STAT5A: variants seen among roughly 807,000 people sequenced by gnomAD.
The protein encoded by STAT5A is epididymis secretory sperm binding protein.
STAT5A carries 26 observed loss-of-function variants against 100.2 expected under a neutral mutation model. The observed-to-expected ratio is 0.26, with a 90% CI of 0.19 to 0.36. STAT5A has a LOEUF of 0.36. STAT5A is among the 10% of genes least tolerant of loss of function. The pLI is 1.00. For synonymous variants in STAT5A, 330 were observed against 424.3 expected (o/e 0.78, Z 2.73); for missense variants, 634 against 1,027.5 (o/e 0.62, Z 5.24).
Position 42,295,760 on chromosome 17 carries a change from A to C in STAT5A, c.517A>C (p.Ile173Leu), listed in dbSNP as rs772217852. The part of the protein sequence containing the change: ...KKLQQTQEYF[I>L]IQYQESLRIQ... ...ACTGCAGCAGACTCAGGAGTACTTC[A>C]TCATCCAGTACCAGGAGAGCCTGAG... The change falls in exon 5 of 19, where the codon ATC (isoleucine) becomes CTC (leucine). Residue 173 changes from isoleucine (I) to leucine (L), a missense_variant. Ile to Leu is a conservative substitution (Grantham distance 5, BLOSUM62 2). Around this residue, in one of 5 missense-constraint regions of STAT5A, gnomAD observed 207 missense variants for 256.6 expected, o/e 0.81. Transcript: ENST00000590949. 4 of 1,614,070 alleles carry C rather than the reference A, an allele frequency of 2.5e-6. No homozygotes were observed. In the East Asian group the frequency reaches 8.9e-5, roughly 36 times the overall value.
At chr17:42,289,350 CG>C (rs1185424792) in intron 1 of STAT5A, 51 bp from the exon 2 acceptor site, 1 of 1,507,396 alleles carries the variant, frequency 6.6e-7, no homozygotes, top group Non-Finnish European at 8.8e-7. Flanking sequence ...GGGGCAGGCC[CG>C]GTTCCTTGGC....
chr17:42,306,114 G>T (rs1437907005), intron 12 of STAT5A, 127 bp from the exon 13 acceptor site: 7 of 1,510,004 alleles, frequency 4.6e-6, no homozygotes, highest in East Asian at 4.8e-5. Context: ...TCCTGCCCTT[G>T]CATTTGTGTC....
rs183844213 is a variant in STAT5A at position 42,291,255 on chromosome 17, C to T, written c.286-717C>T. Among the ~76,000 whole-genome samples the T allele has an allele frequency of 3.9e-4, 59 of 152,324 alleles. 1 individual carries two copies. The highest frequency in any genetic ancestry group is 4.1e-4 in the South Asian group (2 of 4,834). On this transcript the variant is annotated intron_variant, in intron 3 of 18. Transcript: ENST00000590949. The stretch of plus-strand genomic sequence containing the variant: ...AGGAAGCAGAGTTCAGGCTGTAATG[C>T]GAGCAATAGGCAGCAGCTGTAAATA...
chr17:42,309,330 GC>G, intron 17 of STAT5A, 46 bp from the exon 18 acceptor site: 1 of 1,605,052 alleles, frequency 6.2e-7, no homozygotes, highest in Non-Finnish European at 8.5e-7. Flanking sequence ...CAAGTCAGCT[GC>G]CCCGGCCTCC....
chr17:42,291,933 C>A, intron 3 of STAT5A, 39 bp from the exon 4 acceptor site: 1 of 1,606,788 alleles, frequency 6.2e-7, no homozygotes, highest in Non-Finnish European at 8.5e-7. Flanking sequence ...ATGGCTGGAG[C>A]AGAGGATGGC....
At chr17:42,309,609 G>A in intron 18 of STAT5A, 125 bp downstream of exon 18, 4 of 924,224 alleles carry the variant, frequency 4.3e-6, no homozygotes, top group Non-Finnish European at 6.5e-6. Context: ...GGAGGAGTGA[G>A]ATCAGCCAGG....
In STAT5A at chr17:42,311,773, T is replaced by C. The variant is rs2081085354; in HGVS notation, c.*1104T>C. 1 of 152,700 alleles carries C rather than the reference T, an allele frequency of 6.5e-6. No individual in the cohort carries two copies. The highest frequency in any genetic ancestry group is 1.5e-5 in the Non-Finnish European group (1 of 68,056). 9.5% of individuals were successfully genotyped at this position (152,700 alleles called of 1,614,324 possible). On this transcript the variant is annotated 3_prime_UTR_variant, in exon 19 of 19. Transcript: ENST00000590949. ...TCCCAACCCCACACGCTCCTCCCTC[T>C]GAGGCTGTAGGACTCGCAGTCAGGG...
At chr17:42,309,888 T>G (rs1598369045) in intron 18 of STAT5A, among the ~76,000 whole-genome samples, 1 of 152,010 alleles carries the variant, frequency 6.6e-6, no homozygotes, top group African/African-American at 2.4e-5. Context: ...GGGAACAAGG[T>G]AGATAATTAA....
In STAT5A at chr17:42,305,451, G is replaced by A. The variant is rs965089033; in HGVS notation, c.1381-159G>A. On this transcript the variant is annotated intron_variant, in intron 11 of 18. Transcript: ENST00000590949. ...CGGGAGGCAGAGGTTGTGGTGAGCC[G>A]AGATTGCACCATTGCACTCCAGCCT... Among the ~76,000 whole-genome samples, 8 of 151,826 alleles carry A rather than the reference G, an allele frequency of 5.3e-5. No homozygotes were observed. In the East Asian group the frequency reaches 1.5e-3, roughly 29 times the overall value.
intron 9 of STAT5A, among the ~76,000 whole-genome samples, chr17:42,303,672 C>T (rs9908237): frequency 0.56 from 84,332 of 151,368 alleles, 26,421 homozygotes; most frequent in African/African-American, 0.86. Flanking sequence ...ATTGCACCAT[C>T]GCACTCCAGC....
Position 42,308,595 on chromosome 17 carries a change from G to T in STAT5A, c.2062+262G>T. The T allele has an allele frequency of 1.8e-6, 1 of 551,226 alleles. No homozygotes were observed. 34.1% of individuals were successfully genotyped at this position (551,226 alleles called of 1,614,324 possible). A position where few individuals can be genotyped will look rare whatever the true frequency, so the allele number is the denominator to read the frequency against. On this transcript the variant is annotated intron_variant, in intron 16 of 18. Transcript: ENST00000590949. This position sits in a 1 kb window ranked among gnomAD's most constrained non-coding sequence, Gnocchi z 4.6. Reference sequence around the variant, plus strand: ...CTTCTGCACCCTCGGAGGAAGGGGTGGCAGCACTGTAGGGAGTGGCCGGGA... The same window carrying T: ...CTTCTGCACCCTCGGAGGAAGGGGTTGCAGCACTGTAGGGAGTGGCCGGGA...
chr17:42,293,590 G>GCTAT lies in STAT5A; in HGVS notation c.375+1531_375+1534dup, dbSNP rs572494904. Among the ~76,000 whole-genome samples, 523 of 152,338 alleles carry GCTAT rather than the reference G, an allele frequency of 3.4e-3. 3 individuals are homozygous for GCTAT. The highest frequency in any genetic ancestry group is 0.012 in the African/African-American group (496 of 41,574). The stretch of plus-strand genomic sequence containing the variant: ...GGTCTTACTGTGTGTCCGATGCTGG[G>GCTAT]CTATCATCAGAGAAACACATAAAGG... On this transcript the variant is annotated intron_variant, in intron 4 of 18. Coordinates refer to ENST00000590949, the MANE Select transcript of STAT5A (RefSeq NM_001288718.2).
Position 42,304,710 on chromosome 17 carries a change from C to T in STAT5A, c.1380+58C>T. 1 of 1,603,816 alleles carries T rather than the reference C, an allele frequency of 6.2e-7. No homozygotes were observed. The highest frequency in any genetic ancestry group is 1.1e-5 in the South Asian group (1 of 89,102). The stretch of plus-strand genomic sequence containing the variant: ...CCAGGTCACCCAAGAGGTGGAGGGG[C>T]CTGCCTCAGGACTCCTGGCAGCAAT... On this transcript the variant is annotated intron_variant, in intron 11 of 18. Coordinates refer to ENST00000590949, the MANE Select transcript of STAT5A (RefSeq NM_001288718.2). The surrounding 1 kb of genome is among the most constrained non-coding windows in gnomAD (Gnocchi z 4.8).
intron 12 of STAT5A, among the ~76,000 whole-genome samples, chr17:42,305,962 G>T (rs1275241094): frequency 6.6e-6 from 1 of 152,174 alleles, no homozygotes; most frequent in East Asian, 1.9e-4. Flanking sequence ...TCCTCCTTTG[G>T]CAGATGGCTT....
intron 9 of STAT5A, among the ~76,000 whole-genome samples, chr17:42,303,307 C>T (rs2080998888): frequency 6.6e-6 from 1 of 152,096 alleles, no homozygotes; most frequent in South Asian, 2.1e-4. Flanking sequence ...AGACAAATGA[C>T]CTTCTCACTG....
At position 42,295,511 on chromosome 17, in the gene STAT5A, C is replaced by G. The variant is rs2080909951; in HGVS notation, c.376-108C>G. The G allele has an allele frequency of 2.5e-6, 3 of 1,198,302 alleles. No homozygotes were observed. The African/African-American group carries it at 4.6e-5, about 18-fold the overall frequency. 74.2% of individuals were successfully genotyped at this position (1,198,302 alleles called of 1,614,324 possible). ...TCTTGCCCTAGTTTCCCTTCTTACC[C>G]TAGTTTGGGGTTTGGGGTTTGGGGT... is the stretch of plus-strand genomic sequence containing the variant. On this transcript the variant is annotated intron_variant, in intron 4 of 18. Transcript: ENST00000590949.
chr17:42,294,304 T>C (rs1274652382), intron 4 of STAT5A, among the ~76,000 whole-genome samples: 1 of 152,078 alleles, frequency 6.6e-6, no homozygotes, highest in Non-Finnish European at 1.5e-5. Flanking sequence ...ATCACAGAGC[T>C]ATCTGCAAAC....
At chr17:42,293,139 T>A (rs979103919) in intron 4 of STAT5A, among the ~76,000 whole-genome samples, 6 of 152,374 alleles carry the variant, frequency 3.9e-5, no homozygotes, top group African/African-American at 1.4e-4. Context: ...CAACATGACG[T>A]GACAGAAATC....
At chr17:42,306,543 C>G (rs1034461588) in intron 13 of STAT5A, 96 bp downstream of exon 13, 1 of 1,528,408 alleles carries the variant, frequency 6.5e-7, no homozygotes, top group Non-Finnish European at 8.9e-7. Context: ...TAGCACCCCA[C>G]TCTCCACCCC....
Sources: gnomAD v4.1 joint callset for allele counts (sites outside exome capture counted in the v4.1 genomes callset) on GRCh38, gnomAD v4.1.1 for gene constraint, gnomAD v4.1.1 regional missense constraint, Gnocchi (gnomAD v3.1) non-coding constraint, MANE v1.5 for transcripts, NCBI Gene and HGNC (gene_info 2026-07-23, HGNC 2026-07-21) for gene names.